CD28: variants seen among roughly 807,000 people sequenced by gnomAD.
The protein encoded by CD28 is T-cell-specific surface glycoprotein CD28.
Under a neutral mutation model 21.4 loss-of-function variants are expected in CD28, and 8 were observed. That is an observed-to-expected ratio of 0.37 (90% confidence interval 0.22 to 0.68). CD28 has a LOEUF of 0.68. CD28 is among the 30% of genes least tolerant of loss of function. The pLI, the probability that CD28 is intolerant of heterozygous loss-of-function variation, is 0.55. For missense variants in CD28, 239 were observed against 272.2 expected (o/e 0.88, Z 0.86); for synonymous variants, 106 against 104.0 (o/e 1.02, Z -0.12).
chr2:203,734,031 C>T (rs1294739053), intron 3 of CD28, among the ~76,000 whole-genome samples: 1 of 152,212 alleles, frequency 6.6e-6, no homozygotes, highest in Non-Finnish European at 1.5e-5. Flanking sequence ...ATAGAGAATT[C>T]TGAATCCAGA....
chr2:203,730,766 T>G (rs1292702179), intron 3 of CD28, among the ~76,000 whole-genome samples: 1 of 152,352 alleles, frequency 6.6e-6, no homozygotes, highest in Non-Finnish European at 1.5e-5. Context: ...AGAGGTCAAA[T>G]TAAGGATTTA....
intron 1 of CD28, among the ~76,000 whole-genome samples, chr2:203,722,209 C>T (rs1287842490): frequency 6.6e-6 from 1 of 152,146 alleles, no homozygotes; most frequent in African/African-American, 2.4e-5. Flanking sequence ...GCCTAACCTG[C>T]ACTCACTCTC....
chr2:203,717,180 A>G (rs547220389), intron 1 of CD28, among the ~76,000 whole-genome samples: 2 of 152,286 alleles, frequency 1.3e-5, no homozygotes, highest in African/African-American at 2.4e-5. Context: ...TTCTATTTCT[A>G]TTTATATTGT....
chr2:203,722,607 G>T (rs1401300519), intron 1 of CD28, among the ~76,000 whole-genome samples: 2 of 152,200 alleles, frequency 1.3e-5, no homozygotes, highest in African/African-American at 2.4e-5. Context: ...ATAACATGTG[G>T]TCCTTTCTGT....
At chr2:203,712,320 A>T (rs1693337298) in intron 1 of CD28, among the ~76,000 whole-genome samples, 1 of 152,230 alleles carries the variant, frequency 6.6e-6, no homozygotes, top group African/African-American at 2.4e-5. Context: ...TATATATAAT[A>T]GGAGGATGTA....
intron 2 of CD28, among the ~76,000 whole-genome samples, chr2:203,727,906 T>C (rs568405564): frequency 6.3e-4 from 96 of 152,294 alleles, no homozygotes; most frequent in African/African-American, 2.2e-3. Context: ...CTCGATTTCC[T>C]GACCTCGTGA....
intron 1 of CD28, among the ~76,000 whole-genome samples, chr2:203,724,977 A>G (rs1357132803): frequency 3.3e-5 from 5 of 152,136 alleles, no homozygotes; most frequent in Non-Finnish European, 1.5e-5. Context: ...CAAAGACACA[A>G]AGTGGTTTGT....
At position 203,734,838 on chromosome 2, in the gene CD28, C is replaced by G; in HGVS notation, c.589C>G (p.Arg197Gly). ...LHSDYMNMTP[R>G]RPGPTRKHYQ... ...CAGTGACTACATGAACATGACTCCC[C>G]GCCGCCCCGGGCCCACCCGCAAGCA... is the stretch of plus-strand genomic sequence containing the variant. The change falls in exon 4 of 4, where the codon CGC becomes GGC. Residue 197 changes from arginine (R) to glycine (G), a missense_variant. By Grantham distance (125) the Arg-to-Gly change is moderately radical. This residue lies in a region of CD28 where 112 missense variants were observed against 112.8 expected (regional missense o/e 0.99). Coordinates refer to ENST00000324106, the MANE Select transcript of CD28 (RefSeq NM_006139.4). The G allele has an allele frequency of 6.2e-7, 1 of 1,614,176 alleles. No individual in the cohort carries two copies. Among genetic ancestry groups the G allele is most frequent in the East Asian group, 2.2e-5 (1 of 44,874 alleles).
chr2:203,716,727 C>G (rs959608219), intron 1 of CD28, among the ~76,000 whole-genome samples: 1 of 152,148 alleles, frequency 6.6e-6, no homozygotes, highest in African/African-American at 2.4e-5. Context: ...TTTAAGAGGA[C>G]AAGAACAAGT....
intron 1 of CD28, among the ~76,000 whole-genome samples, chr2:203,708,291 A>C (rs1693215663): frequency 6.6e-6 from 1 of 152,212 alleles, no homozygotes; most frequent in Non-Finnish European, 1.5e-5. Context: ...ATGAGTTGGC[A>C]ATGAGATCTG....
At chr2:203,720,608 G>A (rs189374179) in intron 1 of CD28, among the ~76,000 whole-genome samples, 2 of 152,320 alleles carry the variant, frequency 1.3e-5, no homozygotes, top group East Asian at 3.9e-4. Flanking sequence ...TCTGAGTCTA[G>A]ATATGTCCTT....
chr2:203,734,023 A>G (rs531512828), intron 3 of CD28, among the ~76,000 whole-genome samples: 29 of 152,350 alleles, frequency 1.9e-4, no homozygotes, highest in African/African-American at 6.7e-4. Context: ...TTTTCATAAT[A>G]GAGAATTCTG....
In CD28 at chr2:203,726,961, G is replaced by C; in HGVS notation, c.381G>C (p.Lys127Asn). 1 of 1,602,850 alleles carries C rather than the reference G, an allele frequency of 6.2e-7. No homozygotes were observed. The highest frequency in any genetic ancestry group is 8.5e-7 in the Non-Finnish European group (1 of 1,169,810). The change falls in exon 2 of 4, where the codon AAG (lysine) becomes AAC (asparagine). Residue 127 changes from lysine to asparagine, a missense_variant. By Grantham distance (94) the Lys-to-Asn change is moderately conservative. This residue lies in a region of CD28 where 23 missense variants were observed against 50.9 expected (regional missense o/e 0.45). Transcript: ENST00000324106. The part of the protein sequence containing the change: ...MYPPPYLDNE[K>N]SNGTIIHVKG... ...CTCCTCCTTACCTAGACAATGAGAA[G>C]AGCAATGGAACCATTATCCATGTGA...
intron 1 of CD28, among the ~76,000 whole-genome samples, chr2:203,720,147 A>T (rs966290565): frequency 2.0e-5 from 3 of 152,198 alleles, no homozygotes; most frequent in Admixed American, 2.0e-4. Context: ...CAAGCAGCAG[A>T]TAAGTACCTT....
In CD28 at chr2:203,737,825, T is replaced by C. The variant is rs2106129018; in HGVS notation, c.*2913T>C. 6.5e-6 allele frequency: 1 copy of C among 152,778 alleles called. No homozygotes were observed. The highest frequency in any genetic ancestry group is 6.5e-5 in the Admixed American group (1 of 15,306). The allele number at this position is 152,778 out of a possible 1,614,324, so 9.5% of individuals were successfully genotyped here. A position where few individuals can be genotyped will look rare whatever the true frequency, so the allele number is the denominator to read the frequency against. Reference sequence around the variant, plus strand: ...TCTACATATTCAGTGATAAAATTACTAAACTACTATATGTCTGCTTTAAAT... The same window carrying C: ...TCTACATATTCAGTGATAAAATTACCAAACTACTATATGTCTGCTTTAAAT... On this transcript the variant is annotated 3_prime_UTR_variant, in exon 4 of 4. Coordinates refer to ENST00000324106, the MANE Select transcript of CD28 (RefSeq NM_006139.4).
intron 1 of CD28, among the ~76,000 whole-genome samples, chr2:203,723,832 C>G (rs879392670): frequency 6.6e-6 from 1 of 152,156 alleles, no homozygotes; most frequent in East Asian, 1.9e-4. Flanking sequence ...AACAGTTTGA[C>G]GATTCCTCAA....
Position 203,726,774 on chromosome 2 carries a change from T to A in CD28, c.194T>A (p.Val65Asp). ...LHKGLDSAVEVCVVYGNYSQQ... is the reference protein window; with the variant it reads ...LHKGLDSAVEDCVVYGNYSQQ... Reference sequence around the variant, plus strand: ...AAAGGACTGGATAGTGCTGTGGAAGTCTGTGTTGTATATGGGAATTACTCC... The same window carrying A: ...AAAGGACTGGATAGTGCTGTGGAAGACTGTGTTGTATATGGGAATTACTCC... The change falls in exon 2 of 4, where the codon GTC becomes GAC. Residue 65 changes from valine to aspartate, a missense_variant. Around this residue, in one of 3 missense-constraint regions of CD28, gnomAD observed 104 missense variants for 108.5 expected, o/e 0.96. Coordinates refer to ENST00000324106, the MANE Select transcript of CD28 (RefSeq NM_006139.4). The A allele has an allele frequency of 6.2e-7, 1 of 1,614,164 alleles. No homozygotes were observed. The highest frequency in any genetic ancestry group is 2.2e-5 in the East Asian group (1 of 44,876).
intron 1 of CD28, among the ~76,000 whole-genome samples, chr2:203,713,834 TGAGAGAGAGAGAGAGAGG>T (rs1693381904): frequency 7.7e-6 from 1 of 129,690 alleles, no homozygotes; most frequent in South Asian, 2.7e-4. Flanking sequence ...GTGCTGGACC[TGAGAGAGAGAGAGAGAGG>T]GAGAGAGAGA....
chr2:203,733,213 G>A (rs1267021337), intron 3 of CD28, among the ~76,000 whole-genome samples: 2 of 152,178 alleles, frequency 1.3e-5, no homozygotes, highest in African/African-American at 4.8e-5. Context: ...TCATTGCATT[G>A]TAGGATGTTT....
Sources: allele counts gnomAD v4.1 joint callset (sites outside exome capture counted in the v4.1 genomes callset), GRCh38; gene constraint gnomAD v4.1.1; regional missense constraint gnomAD v4.1.1; transcripts MANE v1.5; gene names NCBI Gene and HGNC (gene_info 2026-07-23, HGNC 2026-07-21).